MAGI1: variants seen among roughly 807,000 people sequenced by gnomAD.
The protein encoded by MAGI1 is membrane-associated guanylate kinase, WW and PDZ domain-containing protein 1.
In MAGI1, 58 loss-of-function variants were observed where a neutral mutation model predicts 139.9. That is an observed-to-expected ratio of 0.41 (90% CI 0.34 to 0.52). The LOEUF (loss-of-function observed/expected upper bound fraction) is 0.52. MAGI1 is among the 20% of genes least tolerant of loss of function. The pLI is 0.12. For synonymous variants in MAGI1, 812 were observed against 737.9 expected, an observed-to-expected ratio of 1.10 and a Z score of -1.63; for missense variants, 1,874 against 1,901.6, an observed-to-expected ratio of 0.99 and a Z score of 0.27.
intron 22 of MAGI1, 52 bp from the exon 23 acceptor site, chr3:65,357,184 C>G: frequency 1.9e-6 from 3 of 1,543,908 alleles, no homozygotes; most frequent in East Asian, 2.3e-5. Context: ...TCCCTCGGCT[C>G]CTGTCCCCGT....
chr3:65,594,258 A>G (rs80272857), intron 2 of MAGI1, among the ~76,000 whole-genome samples: 2,666 of 152,308 alleles, frequency 0.018, 27 homozygotes, highest in Middle Eastern at 0.027. Context: ...ATCAAATGGA[A>G]TCACTTGTCA....
chr3:65,364,247 A>G (rs988563307), intron 20 of MAGI1, among the ~76,000 whole-genome samples: 16 of 150,386 alleles, frequency 1.1e-4, no homozygotes, highest in Admixed American at 7.3e-4. Flanking sequence ...TTCACCTGCT[A>G]GTATTTTCAC....
intron 1 of MAGI1, among the ~76,000 whole-genome samples, chr3:66,005,612 T>A (rs1184728462): frequency 6.6e-6 from 1 of 152,110 alleles, no homozygotes; most frequent in Admixed American, 6.5e-5. Flanking sequence ...CTTCCCCTTG[T>A]GTCTTACTAT....
chr3:65,813,370 T>C (rs2041404031), intron 1 of MAGI1, among the ~76,000 whole-genome samples: 1 of 151,830 alleles, frequency 6.6e-6, no homozygotes, highest in South Asian at 2.1e-4. Context: ...CAAAAGCTAA[T>C]GGAAGGCAAT....
intron 2 of MAGI1, among the ~76,000 whole-genome samples, chr3:65,590,451 C>G (rs11708426): frequency 0.064 from 9,740 of 152,238 alleles, 389 homozygotes; most frequent in East Asian, 0.16. Context: ...TGAATTCACT[C>G]GGTGCTCTTA....
chr3:65,930,778 C>T (rs2062770856), intron 1 of MAGI1, among the ~76,000 whole-genome samples: 1 of 152,096 alleles, frequency 6.6e-6, no homozygotes, highest in African/African-American at 2.4e-5. Flanking sequence ...TATTATAATG[C>T]ATTAGAAGGC....
chr3:65,601,068 G>T (rs915765479), intron 2 of MAGI1, among the ~76,000 whole-genome samples: 1 of 152,130 alleles, frequency 6.6e-6, no homozygotes, highest in Non-Finnish European at 1.5e-5. Flanking sequence ...CTGAGTTCCC[G>T]GCACAGAGAA....
At chr3:65,853,441 C>T (rs762810625) in intron 1 of MAGI1, among the ~76,000 whole-genome samples, 1 of 152,130 alleles carries the variant, frequency 6.6e-6, no homozygotes, top group Non-Finnish European at 1.5e-5. Flanking sequence ...TTTGTGCTGA[C>T]GAAATTTTTA....
chr3:65,451,521 T>G (rs1207910437), intron 6 of MAGI1, among the ~76,000 whole-genome samples: 1 of 152,206 alleles, frequency 6.6e-6, no homozygotes, highest in Non-Finnish European at 1.5e-5. Context: ...GAGATACTTG[T>G]GTAATATACT....
intron 1 of MAGI1, among the ~76,000 whole-genome samples, chr3:65,839,826 G>A (rs190374688): frequency 6.6e-6 from 1 of 152,108 alleles, no homozygotes; most frequent in Non-Finnish European, 1.5e-5. Context: ...TGAACTGAGA[G>A]ACATTACTTG....
intron 1 of MAGI1, among the ~76,000 whole-genome samples, chr3:65,884,856 T>C (rs2060470907): frequency 6.6e-6 from 1 of 152,104 alleles, no homozygotes; most frequent in Non-Finnish European, 1.5e-5. Context: ...GATTTAAGGA[T>C]TGGAGAGAGT....
intron 2 of MAGI1, among the ~76,000 whole-genome samples, chr3:65,552,685 T>C (rs1030924762): frequency 2.0e-5 from 3 of 152,220 alleles, no homozygotes; most frequent in Non-Finnish European, 2.9e-5. Flanking sequence ...CTAGCTTTTC[T>C]TGGGGCCCTG....
chr3:65,773,810 C>A lies in MAGI1; in HGVS notation c.314-151722G>T, dbSNP rs145542888. The stretch of plus-strand genomic sequence containing the variant: ...TTCGAGTGTTTATGCCTTAATCATA[C>A]TTGAGTCTTTCATTTTAATGACTTT... On this transcript the variant is annotated intron_variant, in intron 1 of 22. Transcript: ENST00000402939. 7.4e-4 allele frequency among the ~76,000 whole-genome samples: 112 copies of A among 152,252 alleles called. 1 individual carries two copies. Among genetic ancestry groups the A allele is most frequent in the African/African-American group, 2.5e-3 (105 of 41,554 alleles).
At chr3:65,407,224 A>G (rs749976365) in intron 12 of MAGI1, among the ~76,000 whole-genome samples, 10 of 152,152 alleles carry the variant, frequency 6.6e-5, no homozygotes, top group Non-Finnish European at 1.2e-4. Flanking sequence ...AGGCAAGTGG[A>G]TCACCTGAGG....
chr3:65,404,783 A>C (rs574779794), intron 12 of MAGI1, among the ~76,000 whole-genome samples: 1 of 152,356 alleles, frequency 6.6e-6, no homozygotes, highest in South Asian at 2.1e-4. Flanking sequence ...CAAAGGAGAT[A>C]GCGAGTATGT....
chr3:65,484,083 A>C (rs1951464283), intron 3 of MAGI1, among the ~76,000 whole-genome samples: 1 of 152,238 alleles, frequency 6.6e-6, no homozygotes, highest in Non-Finnish European at 1.5e-5. Flanking sequence ...CGATCTTCAC[A>C]ACCATTCTAT....
At chr3:65,357,852 A>C (rs1413502872) in intron 22 of MAGI1, among the ~76,000 whole-genome samples, 1 of 152,200 alleles carries the variant, frequency 6.6e-6, no homozygotes, top group Non-Finnish European at 1.5e-5. Flanking sequence ...TATGTACGCA[A>C]GGGCCCATTA....
At chr3:65,686,538 G>A (rs909101865) in intron 1 of MAGI1, among the ~76,000 whole-genome samples, 1 of 152,172 alleles carries the variant, frequency 6.6e-6, no homozygotes, top group Middle Eastern at 3.4e-3. Context: ...TGATACTCCC[G>A]CCTTGGCCTC....
At chr3:65,399,186 T>C (rs1482986963) in intron 13 of MAGI1, among the ~76,000 whole-genome samples, 1 of 152,178 alleles carries the variant, frequency 6.6e-6, no homozygotes, top group African/African-American at 2.4e-5. Flanking sequence ...GTACAATCAG[T>C]GTGCTTTTAA....
Sources: allele counts gnomAD v4.1 joint callset (sites outside exome capture counted in the v4.1 genomes callset), GRCh38; gene constraint gnomAD v4.1.1; transcripts MANE v1.5; gene names NCBI Gene and HGNC (gene_info 2026-07-23, HGNC 2026-07-21).